YIPF7: variants seen among roughly 807,000 people sequenced by gnomAD.
YIPF7 encodes the protein Yip1 domain family member 7.
In YIPF7, 35 loss-of-function variants were observed where a neutral mutation model predicts 27.2. The ratio of observed to expected loss-of-function variants is 1.29; its 90% CI spans 0.98 to 1.70. The LOEUF is 1.70. Among genes scored for constraint, YIPF7 ranks in the 40% most tolerant of loss-of-function variants. The pLI is 0.00. For synonymous variants in YIPF7, 137 were observed against 110.4 expected (o/e 1.24, Z -1.51); for missense variants, 358 against 303.7 (o/e 1.18, Z -1.33).
At chr4:44,647,430 G>T (rs575332638) in intron 2 of YIPF7, among the ~76,000 whole-genome samples, 7 of 152,226 alleles carry the variant, frequency 4.6e-5, no homozygotes, top group African/African-American at 1.7e-4. Context: ...GTTGAGAAAA[G>T]AAACAGAAGG....
At chr4:44,630,001 G>A (rs1266475846) in intron 3 of YIPF7, among the ~76,000 whole-genome samples, 2 of 152,078 alleles carry the variant, frequency 1.3e-5, no homozygotes, top group Admixed American at 6.5e-5. Flanking sequence ...TTTCGAGGCA[G>A]GGTTTCCCTC....
At chr4:44,657,091 G>A (rs1322845422) in intron 2 of YIPF7, among the ~76,000 whole-genome samples, 1 of 152,048 alleles carries the variant, frequency 6.6e-6, no homozygotes, top group African/African-American at 2.4e-5. Flanking sequence ...AGTATTCCAA[G>A]TTTATTGTGA....
chr4:44,661,688 G>A (rs1434930093), intron 1 of YIPF7, among the ~76,000 whole-genome samples: 1 of 152,228 alleles, frequency 6.6e-6, no homozygotes, highest in East Asian at 1.9e-4. Context: ...TTCCCACCAG[G>A]GAGGAGACAG....
intron 3 of YIPF7, among the ~76,000 whole-genome samples, chr4:44,634,874 G>C (rs1713050427): frequency 1.3e-5 from 2 of 152,124 alleles, no homozygotes; most frequent in African/African-American, 4.8e-5. Context: ...TAACTTCTAG[G>C]TGTTTATTAC....
intron 2 of YIPF7, among the ~76,000 whole-genome samples, chr4:44,644,343 GA>G (rs375279528): frequency 7.2e-5 from 11 of 152,218 alleles, no homozygotes; most frequent in African/African-American, 2.7e-4. Flanking sequence ...CGGATGAGCT[GA>G]AAAAATTGCA....
At chr4:44,646,004 C>T (rs1334384265) in intron 2 of YIPF7, among the ~76,000 whole-genome samples, 1 of 152,076 alleles carries the variant, frequency 6.6e-6, no homozygotes, top group African/African-American at 2.4e-5. Context: ...TATTCATATG[C>T]TTCTATATTT....
chr4:44,628,501 T>A lies in YIPF7; in HGVS notation c.426+902A>T, dbSNP rs1209997543. On this transcript the variant is annotated intron_variant, in intron 4 of 5. Coordinates refer to ENST00000415895, the MANE Select transcript of YIPF7 (RefSeq NM_182592.3). ...ATTGTAAGAGCTTTTCCTATAATGT[T>A]TAATTTCCCATATTATTTCCTCTGC... Among the ~76,000 whole-genome samples, 4 of 152,180 alleles carry A rather than the reference T, an allele frequency of 2.6e-5. 1 individual carries two copies. Among genetic ancestry groups the A allele is most frequent in the Non-Finnish European group, 4.4e-5 (3 of 68,008 alleles).
intron 2 of YIPF7, among the ~76,000 whole-genome samples, chr4:44,648,705 TTATA>T (rs979410561): frequency 3.3e-5 from 5 of 152,148 alleles, no homozygotes; most frequent in African/African-American, 7.2e-5. Context: ...TAAATACTGT[TTATA>T]TAGTGGTTTT....
chr4:44,641,227 T>C (rs1197652294), intron 2 of YIPF7, among the ~76,000 whole-genome samples: 1 of 152,156 alleles, frequency 6.6e-6, no homozygotes, highest in Non-Finnish European at 1.5e-5. Context: ...TTCTGTCACT[T>C]TCCTGTTGAA....
chr4:44,637,665 G>T (rs1259483402), intron 2 of YIPF7, among the ~76,000 whole-genome samples: 3 of 152,064 alleles, frequency 2.0e-5, no homozygotes, highest in Admixed American at 6.6e-5. Context: ...CTTTACTGGT[G>T]ATTTATGAGA....
intron 3 of YIPF7, among the ~76,000 whole-genome samples, chr4:44,632,563 C>G (rs1712946848): frequency 6.6e-6 from 1 of 152,050 alleles, no homozygotes; most frequent in Non-Finnish European, 1.5e-5. Flanking sequence ...TTTTAGACAA[C>G]AAAATATTTA....
chr4:44,641,409 C>CT (rs1713321722), intron 2 of YIPF7, among the ~76,000 whole-genome samples: 1 of 152,112 alleles, frequency 6.6e-6, no homozygotes, highest in African/African-American at 2.4e-5. Flanking sequence ...CATAATACCT[C>CT]TTTGACATGT....
intron 2 of YIPF7, among the ~76,000 whole-genome samples, chr4:44,638,675 T>C (rs1268373518): frequency 3.3e-5 from 5 of 152,222 alleles, no homozygotes; most frequent in Admixed American, 3.3e-4. Flanking sequence ...ATTATTTCTT[T>C]TGCTGTGCAG....
At chr4:44,631,776 G>T (rs1000980569) in intron 3 of YIPF7, among the ~76,000 whole-genome samples, 1 of 151,988 alleles carries the variant, frequency 6.6e-6, no homozygotes, top group Admixed American at 6.6e-5. Context: ...AAGAGAAGAA[G>T]ACTTTAAAAA....
chr4:44,624,500 C>T, intron 5 of YIPF7, 101 bp downstream of exon 5: 1 of 1,307,032 alleles, frequency 7.7e-7, no homozygotes, highest in Non-Finnish European at 1.0e-6. Flanking sequence ...TTCCCAGTTC[C>T]ACTACCAAAA....
intron 3 of YIPF7, among the ~76,000 whole-genome samples, chr4:44,632,417 A>C (rs1028161314): frequency 2.6e-5 from 4 of 152,234 alleles, no homozygotes; most frequent in Admixed American, 2.6e-4. Flanking sequence ...ATAAATACAA[A>C]ATACCAAATA....
At chr4:44,645,044 C>A (rs1420537719) in intron 2 of YIPF7, among the ~76,000 whole-genome samples, 2 of 152,196 alleles carry the variant, frequency 1.3e-5, no homozygotes, top group Non-Finnish European at 2.9e-5. Context: ...TCCTCAGAAG[C>A]AGCTGCTGCC....
At position 44,629,513 on chromosome 4, in the gene YIPF7, T is replaced by G; in HGVS notation, c.316A>C (p.Thr106Pro). Residue 106 changes from threonine to proline, a missense_variant, in exon 4 of 6, where the codon ACT becomes CCT. By Grantham distance (38) the Thr-to-Pro change is conservative (BLOSUM62 -1). Coordinates refer to ENST00000415895, the MANE Select transcript of YIPF7 (RefSeq NM_182592.3). ...GIHFDHIWQK[T>P]LTVLNPMKPV... is the part of the protein sequence containing the mutation. Reference sequence around the variant, plus strand: ...TTCATTGGGTTTAACACTGTCAAAGTTTTTTGCCATATGTGATCAAAATGG... The same window carrying G: ...TTCATTGGGTTTAACACTGTCAAAGGTTTTTGCCATATGTGATCAAAATGG... The G allele has an allele frequency of 6.4e-7, 1 of 1,568,594 alleles. No individual in the cohort carries two copies. The highest frequency in any genetic ancestry group is 8.6e-7 in the Non-Finnish European group (1 of 1,156,222).
intron 2 of YIPF7, among the ~76,000 whole-genome samples, chr4:44,639,859 A>G (rs778202970): frequency 6.6e-6 from 1 of 152,160 alleles, no homozygotes; most frequent in Non-Finnish European, 1.5e-5. Context: ...ATTTTGAGGT[A>G]CATTTCTTAT....
Sources: gnomAD v4.1 joint callset for allele counts (sites outside exome capture counted in the v4.1 genomes callset) on GRCh38, gnomAD v4.1.1 for gene constraint, MANE v1.5 for transcripts, NCBI Gene and HGNC (gene_info 2026-07-23, HGNC 2026-07-21) for gene names.